The following NUP153 variants were observed in gnomAD, a reference collection of about 807,000 sequenced individuals.
NUP153 encodes the protein nucleoporin 153.
Under a neutral mutation model 134.6 loss-of-function variants are expected in NUP153, and 27 were observed. The ratio of observed to expected loss-of-function variants is 0.20; its 90% CI spans 0.15 to 0.28. The LOEUF is 0.28. NUP153 is among the 10% of genes least tolerant of loss of function. The pLI is 1.00. For synonymous variants in NUP153, 640 were observed against 623.5 expected, an observed-to-expected ratio of 1.03 and a Z score of -0.40; for missense variants, 1,821 against 1,731.3, an observed-to-expected ratio of 1.05 and a Z score of -0.92.
chr6:17,694,401 G>A (rs1033505405), intron 1 of NUP153, among the ~76,000 whole-genome samples: 1 of 152,158 alleles, frequency 6.6e-6, no homozygotes, highest in African/African-American at 2.4e-5. Context: ...GCTCACGCCT[G>A]TAATCCCAGC....
chr6:17,660,761 A>G (rs1767129127), intron 11 of NUP153, among the ~76,000 whole-genome samples: 1 of 152,150 alleles, frequency 6.6e-6, no homozygotes, highest in Non-Finnish European at 1.5e-5. Flanking sequence ...GGCAACATCT[A>G]ATACAGCAGA....
chr6:17,648,219 C>T (rs1249702015), intron 12 of NUP153, among the ~76,000 whole-genome samples: 1 of 152,188 alleles, frequency 6.6e-6, no homozygotes, highest in Non-Finnish European at 1.5e-5. Flanking sequence ...GGTACAGTGC[C>T]TCACACCTGT....
At chr6:17,691,081 G>C (rs1769248804) in intron 1 of NUP153, among the ~76,000 whole-genome samples, 1 of 152,152 alleles carries the variant, frequency 6.6e-6, no homozygotes, top group African/African-American at 2.4e-5. Flanking sequence ...GATGGAGGTT[G>C]CAGTGAGCTA....
chr6:17,647,342 T>G (rs1766249450), intron 13 of NUP153, among the ~76,000 whole-genome samples: 1 of 152,232 alleles, frequency 6.6e-6, no homozygotes, highest in African/African-American at 2.4e-5. Context: ...AGACACATGT[T>G]TTAACTAAAT....
chr6:17,616,093 A>G lies in NUP153; in HGVS notation c.*4T>C. 6.2e-7 allele frequency: 1 copy of G among 1,601,702 alleles called. No individual in the cohort carries two copies. The highest frequency in any genetic ancestry group is 8.6e-7 in the Non-Finnish European group (1 of 1,168,692). On this transcript the variant is annotated 3_prime_UTR_variant, in exon 22 of 22. Coordinates refer to ENST00000262077, the MANE Select transcript of NUP153 (RefSeq NM_005124.4). ...TAAAATTGAGTACAACACCAATGTGACCTTTATTTCCTGCGTCTAACAGCA... is the reference window on the plus strand; with the variant it reads ...TAAAATTGAGTACAACACCAATGTGGCCTTTATTTCCTGCGTCTAACAGCA...
chr6:17,646,164 G>T lies in NUP153; in HGVS notation c.1633-10C>A, dbSNP rs759791413. 3.4e-6 allele frequency: 5 copies of T among 1,453,762 alleles called. No individual in the cohort carries two copies. The Middle Eastern group carries it at 7.2e-4, about 209-fold the overall frequency. 90.1% of individuals were successfully genotyped at this position (1,453,762 alleles called of 1,614,324 possible). A position where few individuals can be genotyped will look rare whatever the true frequency, so the allele number is the denominator to read the frequency against. Reference sequence around the variant, plus strand: ...TAAATGTAAATCCAATCTGTAAAGAGAAAGAATATCCTTATACTTCGTTTT... The same window carrying T: ...TAAATGTAAATCCAATCTGTAAAGATAAAGAATATCCTTATACTTCGTTTT... On this transcript the variant is annotated splice_polypyrimidine_tract_variant and intron_variant, in intron 13 of 21. Transcript: ENST00000262077.
chr6:17,685,597 T>C (rs1477462358), intron 2 of NUP153, among the ~76,000 whole-genome samples: 1 of 151,358 alleles, frequency 6.6e-6, no homozygotes, highest in South Asian at 2.1e-4. Flanking sequence ...CATAAGATTA[T>C]GAAGAAGCTG....
chr6:17,689,594 C>CCACAACCTCCA (rs1436406086), intron 1 of NUP153, among the ~76,000 whole-genome samples: 1 of 149,716 alleles, frequency 6.7e-6, no homozygotes, highest in East Asian at 2.0e-4. Flanking sequence ...TGGAGTGCAA[C>CCACAACCTCCA]GGTGCGATCT....
intron 1 of NUP153, among the ~76,000 whole-genome samples, chr6:17,697,731 A>C (rs142896907): frequency 0.011 from 1,605 of 151,238 alleles, 32 homozygotes; most frequent in Middle Eastern, 0.024. Flanking sequence ...GGGGCAGGCT[A>C]CTCTATAACA....
intron 2 of NUP153, among the ~76,000 whole-genome samples, chr6:17,682,336 C>T (rs1246996782): frequency 2.0e-5 from 3 of 152,150 alleles, no homozygotes; most frequent in African/African-American, 7.2e-5. Flanking sequence ...ATGTTGATGG[C>T]TACTGACTGA....
At chr6:17,616,297 C>T (rs957992447) in intron 21 of NUP153, 116 bp from the exon 22 acceptor site, 1 of 609,456 alleles carries the variant, frequency 1.6e-6, no homozygotes, top group African/African-American at 1.9e-5. Flanking sequence ...GGGGAGTAGA[C>T]TCACATTGGT....
intron 15 of NUP153, 71 bp downstream of exon 15, chr6:17,639,868 T>C: frequency 7.0e-7 from 1 of 1,428,310 alleles, no homozygotes; most frequent in Non-Finnish European, 9.4e-7. Flanking sequence ...AAGCCTAAAG[T>C]ATAATACAAA....
intron 14 of NUP153, among the ~76,000 whole-genome samples, chr6:17,640,639 G>C (rs1765788266): frequency 6.6e-6 from 1 of 152,128 alleles, no homozygotes; most frequent in African/African-American, 2.4e-5. Context: ...AAAACAGAGA[G>C]TGAGTGTCTT....
intron 20 of NUP153, among the ~76,000 whole-genome samples, chr6:17,620,768 G>GC: frequency 6.6e-6 from 1 of 152,192 alleles, no homozygotes; most frequent in East Asian, 1.9e-4. Flanking sequence ...TTCCAAAGTA[G>GC]CCCCTGGAAG....
rs778683381 is a variant in NUP153, at chr6:17,688,584, T to G, written c.146A>C (p.Asn49Thr). 1 of 1,613,890 alleles carries G rather than the reference T, an allele frequency of 6.2e-7. No individual in the cohort carries two copies. Among genetic ancestry groups the G allele is most frequent in the Non-Finnish European group, 8.5e-7 (1 of 1,179,790 alleles). Reference protein sequence around the residue: ...ILSRVTESVKNIVPGWLQRYF... With the variant: ...ILSRVTESVKTIVPGWLQRYF... ...TCTTTGTAGCCACCCTGGCACAATA[T>G]TCTTAACAGATTCTGTAACCCTGCT... Residue 49 changes from asparagine to threonine, a missense_variant, in exon 2 of 22, where the codon AAT becomes ACT. Transcript: ENST00000262077.
rs1050575799 is a variant in NUP153 at position 17,629,552 on chromosome 6, A to G, written c.2660-13T>C. On this transcript the variant is annotated splice_polypyrimidine_tract_variant and intron_variant, in intron 17 of 21. Coordinates refer to ENST00000262077, the MANE Select transcript of NUP153 (RefSeq NM_005124.4). ...GATGTGTCAAAGCCTACAAAAATATAAAAGACACCACATAGACACTCAATG... is the reference window on the plus strand; with the variant it reads ...GATGTGTCAAAGCCTACAAAAATATGAAAGACACCACATAGACACTCAATG... The G allele has an allele frequency of 2.3e-5, 36 of 1,567,024 alleles. No individual in the cohort carries two copies. Among genetic ancestry groups the G allele is most frequent in the Non-Finnish European group, 3.0e-5 (35 of 1,164,672 alleles).
Position 17,675,403 on chromosome 6 carries a change from CCAATA to C in NUP153, c.584-40_584-36del. On this transcript the variant is annotated intron_variant, in intron 3 of 21. Transcript: ENST00000262077. The surrounding 1 kb of genome is among the most constrained non-coding windows in gnomAD (Gnocchi z 4.4). ...AATTACATAATCCATAGTAATAACA[CCAATA>C]CAAGAGCCTAGATTTTTATAAATAG... 6.3e-7 allele frequency: 1 copy of C among 1,597,870 alleles called. No individual in the cohort carries two copies. The highest frequency in any genetic ancestry group is 8.5e-7 in the Non-Finnish European group (1 of 1,170,680).
In NUP153 at chr6:17,638,836, T is replaced by C. The variant is rs1329088001; in HGVS notation, c.1847-1066A>G. On this transcript the variant is annotated intron_variant, in intron 15 of 21. Transcript: ENST00000262077. This position sits in a 1 kb window ranked among gnomAD's most constrained non-coding sequence, Gnocchi z 4.0. The stretch of plus-strand genomic sequence containing the variant: ...AATTCCAGCACAAGCACTCTGGAGT[T>C]CTACCATAACTGCATGGAACTGTCC... Among the ~76,000 whole-genome samples the C allele has an allele frequency of 6.6e-6, 1 of 152,182 alleles. No individual in the cohort carries two copies. The highest frequency in any genetic ancestry group is 1.5e-5 in the Non-Finnish European group (1 of 68,032).
chr6:17,629,475 T>C lies in NUP153; in HGVS notation c.2724A>G (p.Ser908=), dbSNP rs920830919. The change falls in exon 18 of 22, where the codon TCA becomes TCG. Residue 908 remains serine, a synonymous_variant. Transcript: ENST00000262077. ...TCTGAGAAGGCCCAGAAGAGGATGA[T>C]GAGACACCAAATTTGAAGGATGAGG... ...AASSSFKFGV[S]SSSSGPSQTL... is the part of the protein sequence containing the mutation. The C allele has an allele frequency of 5.6e-6, 9 of 1,609,018 alleles. No homozygotes were observed. Among genetic ancestry groups the C allele is most frequent in the Non-Finnish European group, 7.6e-6 (9 of 1,178,700 alleles).
Sources: gnomAD v4.1 joint callset for allele counts (sites outside exome capture counted in the v4.1 genomes callset) on GRCh38, gnomAD v4.1.1 for gene constraint, Gnocchi (gnomAD v3.1) non-coding constraint, MANE v1.5 for transcripts, NCBI Gene and HGNC (gene_info 2026-07-23, HGNC 2026-07-21) for gene names.